The following KLF8 variants were observed in gnomAD, a reference collection of about 807,000 sequenced individuals.
KLF8 encodes Krueppel-like factor 8.
KLF8 carries 10 observed loss-of-function variants against 18.2 expected under a neutral mutation model. That is an observed-to-expected ratio of 0.55 (90% CI 0.34 to 0.93). The LOEUF (loss-of-function observed/expected upper bound fraction) is 0.93. Ranked by LOEUF, KLF8 falls within the 40% of genes least tolerant of loss-of-function variation. KLF8 has a pLI of 0.02. For synonymous variants in KLF8, 109 were observed against 97.3 expected, an observed-to-expected ratio of 1.12 and a Z score of -0.71; for missense variants, 264 against 277.9, an observed-to-expected ratio of 0.95 and a Z score of 0.36.
chrX:56,003,164 G>C, the KLF8 span, among the ~76,000 whole-genome samples: 2 of 111,125 alleles, frequency 1.8e-5, no homozygotes, highest in Admixed American at 9.6e-5. Flanking sequence ...GCCAAGGCAG[G>C]CAGATCACCT....
chrX:56,006,732 A>G, the KLF8 span, among the ~76,000 whole-genome samples: 1 of 112,564 alleles, frequency 8.9e-6, no homozygotes, highest in Admixed American at 9.4e-5. Context: ...AGTATATTCC[A>G]GATATTAGTC....
chrX:56,106,007 G>T, the KLF8 span, among the ~76,000 whole-genome samples: 2 of 111,389 alleles, frequency 1.8e-5, no homozygotes, highest in African/African-American at 6.5e-5. Context: ...GAAATTCTGG[G>T]TTGAAAATTC....
the KLF8 span, among the ~76,000 whole-genome samples, chrX:56,186,734 A>G: frequency 6.3e-5 from 7 of 111,842 alleles, no homozygotes; most frequent in Admixed American, 2.9e-4. Context: ...ATTCAAAACC[A>G]CTCAACTACA....
upstream of KLF8, among the ~76,000 whole-genome samples, chrX:56,230,325 CAG>C (rs2066391090): frequency 8.9e-6 from 1 of 112,290 alleles, no homozygotes; most frequent in Non-Finnish European, 1.9e-5. Flanking sequence ...TTGCTCAAAA[CAG>C]TGCTGTAGTG....
chrX:56,079,371 C>G, the KLF8 span, among the ~76,000 whole-genome samples: 9 of 111,027 alleles, frequency 8.1e-5, no homozygotes, highest in Non-Finnish European at 1.5e-4. Flanking sequence ...CAAAGAACAT[C>G]TTTATTTCTG....
At chrX:56,093,185 A>T in the KLF8 span, among the ~76,000 whole-genome samples, 9 of 111,246 alleles carry the variant, frequency 8.1e-5, no homozygotes, top group Non-Finnish European at 1.7e-4. Context: ...ACAAACCAGA[A>T]ATCCAGGTAG....
the KLF8 span, among the ~76,000 whole-genome samples, chrX:55,956,151 ATCT>A: frequency 1.0e-5 from 1 of 100,125 alleles, no homozygotes. Context: ...CTATCTATCT[ATCT>A]ATCTATCTAT....
chrX:56,100,686 G>A, the KLF8 span, among the ~76,000 whole-genome samples: 2 of 111,789 alleles, frequency 1.8e-5, no homozygotes, highest in Admixed American at 9.5e-5. Context: ...CAAGAATTCA[G>A]CCAAAGAAAC....
At chrX:56,113,732 T>C in the KLF8 span, among the ~76,000 whole-genome samples, 1 of 110,656 alleles carries the variant, frequency 9.0e-6, no homozygotes, top group South Asian at 3.8e-4. Context: ...GTATATTCTG[T>C]TGTTTTTGGG....
At chrX:55,949,309 A>T in the KLF8 span, among the ~76,000 whole-genome samples, 1 of 103,471 alleles carries the variant, frequency 9.7e-6, no homozygotes, top group Non-Finnish European at 2.0e-5. Context: ...GTTTTGCCTC[A>T]AGTTGGTGGG....
chrX:56,149,793 G>A, the KLF8 span, among the ~76,000 whole-genome samples: 1 of 110,070 alleles, frequency 9.1e-6, no homozygotes, highest in East Asian at 2.9e-4. Flanking sequence ...GGCAATAGTG[G>A]GGCTCAAATC....
At chrX:55,938,524 A>G in the KLF8 span, among the ~76,000 whole-genome samples, 2 of 111,680 alleles carry the variant, frequency 1.8e-5, no homozygotes, top group African/African-American at 6.5e-5. Context: ...ACGTATAACA[A>G]TATTAACCTT....
At chrX:56,187,230 G>A in the KLF8 span, among the ~76,000 whole-genome samples, 1 of 111,715 alleles carries the variant, frequency 9.0e-6, no homozygotes, top group Non-Finnish European at 1.9e-5. Context: ...TACCATCAGA[G>A]AATACTATAA....
chrX:56,222,008 C>G, the KLF8 span, among the ~76,000 whole-genome samples: 2 of 111,258 alleles, frequency 1.8e-5, no homozygotes, highest in Non-Finnish European at 3.8e-5. Flanking sequence ...AATCCCTGAG[C>G]TAGACACAAA....
the KLF8 span, among the ~76,000 whole-genome samples, chrX:56,116,798 A>G: frequency 1.4e-3 from 156 of 109,490 alleles, 2 homozygotes; most frequent in African/African-American, 4.4e-3. Context: ...ACAATGCAAT[A>G]TCATTAACTA....
At chrX:56,167,715 C>A in the KLF8 span, among the ~76,000 whole-genome samples, 1 of 111,829 alleles carries the variant, frequency 8.9e-6, no homozygotes, top group African/African-American at 3.2e-5. Flanking sequence ...TGTGGCTGAA[C>A]ATTTGCTATG....
At position 56,265,273 on chromosome X, in the gene KLF8, A is replaced by G; in HGVS notation, c.175A>G (p.Asn59Asp). ...PTLLDANPMENPALFNDIKIE... is the reference protein window; with the variant it reads ...PTLLDANPMEDPALFNDIKIE... ...ACTCCTGGATGCCAACCCCATGGAG[A>G]ACCCAGCACTGTTTAATGACATCAA... is the stretch of plus-strand genomic sequence containing the variant. Residue 59 changes from asparagine to aspartate, a missense_variant, in exon 3 of 6, where the codon AAC (asparagine) becomes GAC (aspartate). By Grantham distance (23) the Asn-to-Asp change is conservative. This residue lies in a region of KLF8 where 221 missense variants were observed against 193.6 expected (regional missense o/e 1.14). Transcript: ENST00000468660. 8.3e-7 allele frequency: 1 copy of G among 1,208,290 alleles called. No individual in the cohort carries two copies. The highest frequency in any genetic ancestry group is 1.1e-6 in the Non-Finnish European group (1 of 893,326).
chrX:56,058,916 G>A, the KLF8 span, among the ~76,000 whole-genome samples: 1 of 111,698 alleles, frequency 9.0e-6, no homozygotes, highest in South Asian at 3.7e-4. Flanking sequence ...AGGTTCTTGA[G>A]GAATTGACAC....
chrX:56,280,355 T>C (rs964129502), intron 5 of KLF8, among the ~76,000 whole-genome samples: 1 of 111,294 alleles, frequency 9.0e-6, no homozygotes, highest in Admixed American at 9.5e-5. Context: ...CACCTTAACC[T>C]CTGGAGTAGC....
Sources: allele counts gnomAD v4.1 joint callset (sites outside exome capture counted in the v4.1 genomes callset), GRCh38; gene constraint gnomAD v4.1.1; regional missense constraint gnomAD v4.1.1; transcripts MANE v1.5; gene names NCBI Gene and HGNC (gene_info 2026-07-23, HGNC 2026-07-21).